The following NGEF variants were observed in gnomAD, a reference collection of about 807,000 sequenced individuals.
NGEF encodes the protein ephexin-1.
In NGEF, 31 loss-of-function variants were observed where a neutral mutation model predicts 80.9. The ratio of observed to expected loss-of-function variants is 0.38; its 90% CI spans 0.29 to 0.52. The LOEUF is 0.52. Among genes scored for constraint, NGEF ranks in the 20% least tolerant of loss-of-function variants. NGEF has a pLI of 0.84. For synonymous variants in NGEF, 371 were observed against 370.2 expected (o/e 1.00, Z -0.03); for missense variants, 709 against 926.2 (o/e 0.77, Z 3.04).
intron 1 of NGEF, among the ~76,000 whole-genome samples, chr2:232,985,938 CAAAAAAA>C (rs397873909): frequency 8.6e-6 from 1 of 116,638 alleles, no homozygotes; most frequent in Non-Finnish European, 1.8e-5. Context: ...AGACTCCGTC[CAAAAAAA>C]AAAAAGAAAA....
intron 1 of NGEF, among the ~76,000 whole-genome samples, chr2:232,999,028 A>G (rs186415402): frequency 6.6e-6 from 1 of 152,268 alleles, no homozygotes; most frequent in East Asian, 1.9e-4. Flanking sequence ...GGGACCCCGG[A>G]ACAGCAGGCA....
chr2:233,012,809 T>C (rs545738589), intron 1 of NGEF: 27 of 470,656 alleles, frequency 5.7e-5, no homozygotes, highest in African/African-American at 5.0e-4. Flanking sequence ...CCCACAGCCA[T>C]AATGGAAGAG....
Position 232,894,740 on chromosome 2 carries a change from T to C in NGEF, c.989+16A>G. Reference sequence around the variant, plus strand: ...AGAAGGGCCCTGAGGGAGGTGGCTGTCCCCCCCGTCCTCACCGCTCACTGA... The same window carrying C: ...AGAAGGGCCCTGAGGGAGGTGGCTGCCCCCCCCGTCCTCACCGCTCACTGA... On this transcript the variant is annotated intron_variant, in intron 6 of 14. Coordinates refer to ENST00000264051, the MANE Select transcript of NGEF (RefSeq NM_019850.3). 1 of 1,537,920 alleles carries C rather than the reference T, an allele frequency of 6.5e-7. No homozygotes were observed.
At chr2:232,976,233 C>T (rs1694290757) in intron 1 of NGEF, among the ~76,000 whole-genome samples, 1 of 152,076 alleles carries the variant, frequency 6.6e-6, no homozygotes, top group South Asian at 2.1e-4. Context: ...TCTGTTGCTC[C>T]CTTCCACAAA....
chr2:232,883,942 T>C (rs1355072848), intron 11 of NGEF, 39 bp downstream of exon 11: 2 of 1,568,372 alleles, frequency 1.3e-6, no homozygotes, highest in Admixed American at 3.5e-5. Context: ...CACACTCCTC[T>C]ACCCACCGGA....
intron 1 of NGEF, among the ~76,000 whole-genome samples, chr2:232,995,935 C>G (rs1020898379): frequency 6.6e-6 from 1 of 150,646 alleles, no homozygotes; most frequent in Non-Finnish European, 1.5e-5. Context: ...CAGCATAAAT[C>G]CAAAAGAGGA....
intron 1 of NGEF, among the ~76,000 whole-genome samples, chr2:232,986,411 C>A (rs1325747626): frequency 6.6e-6 from 1 of 152,190 alleles, no homozygotes; most frequent in Non-Finnish European, 1.5e-5. Context: ...ATCTACACAA[C>A]CATGTTCATT....
chr2:232,926,482 G>A (rs543540706), intron 4 of NGEF, among the ~76,000 whole-genome samples: 1 of 152,248 alleles, frequency 6.6e-6, no homozygotes, highest in East Asian at 1.9e-4. Flanking sequence ...CCATATTCCT[G>A]GAGAGGCTTC....
At chr2:232,949,293 C>T (rs1216608000) in intron 3 of NGEF, among the ~76,000 whole-genome samples, 1 of 152,144 alleles carries the variant, frequency 6.6e-6, no homozygotes, top group Non-Finnish European at 1.5e-5. Context: ...AAACATTTGT[C>T]ATCTGACTCA....
intron 10 of NGEF, 137 bp downstream of exon 10, chr2:232,885,142 AG>A (rs1324966453): frequency 6.9e-6 from 5 of 728,812 alleles, no homozygotes; most frequent in Non-Finnish European, 1.1e-5. Context: ...TGGGGAGGTC[AG>A]GGGGCAGAGG....
At chr2:232,882,715 C>T (rs913185156) in intron 12 of NGEF, among the ~76,000 whole-genome samples, 13 of 152,170 alleles carry the variant, frequency 8.5e-5, no homozygotes, top group Admixed American at 2.0e-4. Flanking sequence ...TTCGGGGCCA[C>T]GACGGGAGGA....
rs1013316062 is a variant in NGEF at position 233,013,086 on chromosome 2, T to C, written c.-93A>G. The stretch of plus-strand genomic sequence containing the variant: ...CTCTCACCTGCCAGAGAGGAGCTCA[T>C]AGGAGTTGGGCTTCCTCAGAGAGTG... On this transcript the variant is annotated 5_prime_UTR_variant, in exon 1 of 15. The change abolishes an upstream ATG in the 5' untranslated region. Transcript: ENST00000264051. 1.1e-5 allele frequency: 5 copies of C among 470,916 alleles called. No homozygotes were observed. The highest frequency in any genetic ancestry group is 2.2e-5 in the Non-Finnish European group (5 of 226,954). The allele number at this position is 470,916 out of a possible 1,614,324, so 29.2% of individuals were successfully genotyped here. A position where few individuals can be genotyped will look rare whatever the true frequency, so the allele number is the denominator to read the frequency against.
intron 3 of NGEF, chr2:232,928,224 C>G: frequency 1.1e-6 from 1 of 944,502 alleles, no homozygotes; most frequent in Non-Finnish European, 1.3e-6. Flanking sequence ...GGGGCGCGCG[C>G]GGCGGGGGCG....
chr2:233,008,414 C>G lies in NGEF; in HGVS notation c.-75+4654G>C, dbSNP rs549903778. On this transcript the variant is annotated intron_variant, in intron 1 of 14. Coordinates refer to ENST00000264051, the MANE Select transcript of NGEF (RefSeq NM_019850.3). ...CATGAGGTACTCTCCAGGGATTTGG[C>G]CTTCATGGAGTTCACTGTCATGTAG... Among the ~76,000 whole-genome samples the G allele has an allele frequency of 2.0e-5, 3 of 152,280 alleles. No individual in the cohort carries two copies. The South Asian group carries it at 6.2e-4, about 32-fold the overall frequency.
chr2:232,905,988 T>A (rs566061913), intron 5 of NGEF: 2 of 109,336 alleles, frequency 1.8e-5, no homozygotes, highest in Non-Finnish European at 3.6e-5. Context: ...GGAGCCCCTC[T>A]GCCCGGCCAG....
In NGEF at chr2:232,995,150, GTA is replaced by G. The variant is rs1491117517; in HGVS notation, c.-75+17916_-75+17917del. 4.9e-3 allele frequency among the ~76,000 whole-genome samples: 119 copies of G among 24,424 alleles called. 24 individuals are homozygous for G. The highest frequency in any genetic ancestry group is 8.7e-3 in the Admixed American group (20 of 2,310). 16.0% of individuals were successfully genotyped at this position (24,424 alleles called of 152,430 possible). A position where few individuals can be genotyped will look rare whatever the true frequency, so the allele number is the denominator to read the frequency against. On this transcript the variant is annotated intron_variant, in intron 1 of 14. Transcript: ENST00000264051. ...GTATATATGTACAGTATGTATATATGTACAGTATGTATACTGTATATGTGTAC... is the reference window on the plus strand; with the variant it reads ...GTATATATGTACAGTATGTATATATGCAGTATGTATACTGTATATGTGTAC...
At chr2:232,888,509 A>G (rs1691775965) in intron 8 of NGEF, among the ~76,000 whole-genome samples, 1 of 151,692 alleles carries the variant, frequency 6.6e-6, no homozygotes, top group Admixed American at 6.6e-5. Flanking sequence ...ACAAACATGC[A>G]TACAAGCATG....
intron 3 of NGEF, among the ~76,000 whole-genome samples, chr2:232,963,642 T>C (rs189675639): frequency 7.9e-5 from 12 of 152,176 alleles, no homozygotes; most frequent in Middle Eastern, 3.4e-3. Context: ...GGTGAAACCC[T>C]GTCTGTACTA....
intron 5 of NGEF, among the ~76,000 whole-genome samples, chr2:232,912,149 GA>G (rs1692702897): frequency 6.6e-6 from 1 of 152,172 alleles, no homozygotes. Flanking sequence ...GTTTTTGGTA[GA>G]TGTGCCTTAT....
Sources: gnomAD v4.1 joint callset for allele counts (sites outside exome capture counted in the v4.1 genomes callset) on GRCh38, gnomAD v4.1.1 for gene constraint, MANE v1.5 for transcripts, NCBI Gene and HGNC (gene_info 2026-07-23, HGNC 2026-07-21) for gene names.